Variants in CSNK1A1 observed in about 807,000 individuals in gnomAD.
CSNK1A1 encodes the protein casein kinase 1 alpha 1.
Under a neutral mutation model 46.1 loss-of-function variants are expected in CSNK1A1, and 7 were observed. That is an observed-to-expected ratio of 0.15 (90% CI 0.09 to 0.29). The LOEUF is 0.29. CSNK1A1 is among the 10% of genes least tolerant of loss of function. CSNK1A1 has a pLI of 1.00. For missense variants in CSNK1A1, 96 were observed against 417.1 expected (o/e 0.23, Z 6.71); for synonymous variants, 137 against 141.5 (o/e 0.97, Z 0.23).
intron 9 of CSNK1A1, chr5:149,502,109 T>TA: frequency 1.0e-6 from 1 of 981,164 alleles, no homozygotes; most frequent in Non-Finnish European, 1.2e-6. Flanking sequence ...AAGCCAGACT[T>TA]AAAGAATCTT....
chr5:149,504,647 G>C (rs1760970375), intron 9 of CSNK1A1: 1 of 985,314 alleles, frequency 1.0e-6, no homozygotes, highest in Non-Finnish European at 1.2e-6. Flanking sequence ...AAGGAAATAA[G>C]ACTAGCGGTT....
Position 149,517,036 on chromosome 5 carries a change from T to A in CSNK1A1, c.456+3254A>T, listed in dbSNP as rs966458170. On this transcript the variant is annotated intron_variant, in intron 4 of 9. Coordinates refer to ENST00000377843, the MANE Select transcript of CSNK1A1 (RefSeq NM_001892.6). The surrounding 1 kb of genome is among the most constrained non-coding windows in gnomAD (Gnocchi z 4.4). ...TAAATTTTGTGATAAAAAAGCTATT[T>A]AACTTCAACAAAAGTGTAACAAAAT... Among the ~76,000 whole-genome samples, 2 of 152,228 alleles carry A rather than the reference T, an allele frequency of 1.3e-5. No homozygotes were observed. Among genetic ancestry groups the A allele is most frequent in the Admixed American group, 6.5e-5 (1 of 15,276 alleles).
At chr5:149,529,499 A>G (rs989536130) in intron 2 of CSNK1A1, 6 of 240,938 alleles carry the variant, frequency 2.5e-5, no homozygotes, top group Admixed American at 2.1e-4. Context: ...CAAAAGATCA[A>G]TGAGAACTAA....
At chr5:149,538,419 AGGT>A (rs1480657132) in intron 2 of CSNK1A1, among the ~76,000 whole-genome samples, 1 of 152,206 alleles carries the variant, frequency 6.6e-6, no homozygotes, top group Non-Finnish European at 1.5e-5. Context: ...GTACTGTACA[AGGT>A]GTTGTATGTT....
chr5:149,542,606 A>ATTTTTTTTTTTTTTTTTTTT lies in CSNK1A1; in HGVS notation c.230+7468_230+7469insAAAAAAAAAAAAAAAAAAAA, dbSNP rs1362024391. Among the ~76,000 whole-genome samples the ATTTTTTTTTTTTTTTTTTTT allele has an allele frequency of 2.6e-4, 2 of 7,560 alleles. 1 individual carries two copies. The highest frequency in any genetic ancestry group is 0.018 in the East Asian group (2 of 110). 5.0% of individuals were successfully genotyped at this position (7,560 alleles called of 152,430 possible). ...GAGATACAAATTTATATATATATATATATATATATATATATATATATATAT... is the reference window on the plus strand; with the variant it reads ...GAGATACAAATTTATATATATATATATTTTTTTTTTTTTTTTTTTTTATATATATATATATATATATATAT... On this transcript the variant is annotated intron_variant, in intron 2 of 9. Coordinates refer to ENST00000377843, the MANE Select transcript of CSNK1A1 (RefSeq NM_001892.6).
intron 2 of CSNK1A1, among the ~76,000 whole-genome samples, chr5:149,528,070 C>T (rs539758755): frequency 6.6e-6 from 1 of 152,228 alleles, no homozygotes; most frequent in East Asian, 1.9e-4. Context: ...CAAAGTAAGC[C>T]TCTAACAAAA....
intron 2 of CSNK1A1, among the ~76,000 whole-genome samples, chr5:149,527,057 T>C (rs980103422): frequency 6.6e-6 from 1 of 152,136 alleles, no homozygotes; most frequent in African/African-American, 2.4e-5. Flanking sequence ...AAGGGAAAAG[T>C]TCTGCTTAAC....
In CSNK1A1 at chr5:149,549,402, C is replaced by CT; in HGVS notation, c.230+672dup. 4.3e-6 allele frequency: 3 copies of CT among 694,240 alleles called. No individual in the cohort carries two copies. In the East Asian group the frequency reaches 8.1e-5, roughly 19 times the overall value. The allele number at this position is 694,240 out of a possible 1,614,324, so 43.0% of individuals were successfully genotyped here. A position where few individuals can be genotyped will look rare whatever the true frequency, so the allele number is the denominator to read the frequency against. Reference sequence around the variant, plus strand: ...GTAATTCAACAATTTCGTGTCACATCTGCTGCAGAGATCACAAACACTGTC... The same window carrying CT: ...GTAATTCAACAATTTCGTGTCACATCTTGCTGCAGAGATCACAAACACTGTC... On this transcript the variant is annotated intron_variant, in intron 2 of 9. Transcript: ENST00000377843.
chr5:149,535,236 C>T (rs965234270), intron 2 of CSNK1A1, among the ~76,000 whole-genome samples: 2 of 152,170 alleles, frequency 1.3e-5, no homozygotes, highest in Non-Finnish European at 2.9e-5. Flanking sequence ...GAATTTCCAC[C>T]AAGGGGATGA....
intron 2 of CSNK1A1, chr5:149,545,861 A>G: frequency 3.0e-6 from 1 of 333,240 alleles, no homozygotes; most frequent in South Asian, 3.7e-5. Flanking sequence ...TTCTTAAAAT[A>G]TCAAGAAAAT....
At chr5:149,496,932 G>C (rs942438490) in intron 9 of CSNK1A1, 72 bp from the exon 10 acceptor site, 6 of 1,521,786 alleles carry the variant, frequency 3.9e-6, no homozygotes, top group Non-Finnish European at 5.3e-6. Context: ...CCAAAATATG[G>C]AAATTGGGTG....
intron 3 of CSNK1A1, 92 bp from the exon 4 acceptor site, chr5:149,520,480 G>A (rs1761534167): frequency 1.4e-6 from 1 of 709,320 alleles, no homozygotes; most frequent in South Asian, 1.9e-5. Context: ...ATTATTTAGA[G>A]TTCACAAAGA....
chr5:149,499,031 A>G, intron 9 of CSNK1A1: 1 of 985,456 alleles, frequency 1.0e-6, no homozygotes, highest in South Asian at 4.7e-5. Context: ...CAAATGGGTC[A>G]ATGGTATGAC....
intron 9 of CSNK1A1, among the ~76,000 whole-genome samples, chr5:149,499,599 A>C (rs1284910201): frequency 6.6e-6 from 1 of 152,010 alleles, no homozygotes; most frequent in Non-Finnish European, 1.5e-5. Context: ...TTGTCTATTA[A>C]AAAAATAAAC....
At chr5:149,506,807 G>A (rs1232341664) in intron 8 of CSNK1A1, among the ~76,000 whole-genome samples, 1 of 152,138 alleles carries the variant, frequency 6.6e-6, no homozygotes, top group East Asian at 1.9e-4. Context: ...ATTCTACTTT[G>A]AGTATGATTC....
At chr5:149,530,063 T>C (rs1209044967) in intron 2 of CSNK1A1, among the ~76,000 whole-genome samples, 1 of 152,128 alleles carries the variant, frequency 6.6e-6, no homozygotes, top group African/African-American at 2.4e-5. Context: ...ATATGTTAGT[T>C]CCATCACCAT....
chr5:149,544,949 A>C (rs758485552), intron 2 of CSNK1A1, among the ~76,000 whole-genome samples: 1 of 151,132 alleles, frequency 6.6e-6, no homozygotes, highest in Non-Finnish European at 1.5e-5. Context: ...TAGCCTGGCC[A>C]TCACTGTGAA....
At position 149,550,716 on chromosome 5, in the gene CSNK1A1, G is replaced by A; in HGVS notation, c.123+126C>T. On this transcript the variant is annotated intron_variant, in intron 1 of 9. Transcript: ENST00000377843. This position sits in a 1 kb window ranked among gnomAD's most constrained non-coding sequence, Gnocchi z 4.3. ...CGAGGTTCGTAAGCCAGGAAAACTA[G>A]CTCCCTGGACTCCCTGGCGAGTGCG... is the stretch of plus-strand genomic sequence containing the variant. The A allele has an allele frequency of 7.4e-7, 1 of 1,342,558 alleles. No individual in the cohort carries two copies. 83.2% of individuals were successfully genotyped at this position (1,342,558 alleles called of 1,614,324 possible).
chr5:149,513,811 A>G (rs2113094989), intron 4 of CSNK1A1, among the ~76,000 whole-genome samples: 1 of 152,090 alleles, frequency 6.6e-6, no homozygotes, highest in East Asian at 1.9e-4. Context: ...GAGGCAGGAG[A>G]ATCGCTTGAA....
Sources: gnomAD v4.1 joint callset for allele counts (sites outside exome capture counted in the v4.1 genomes callset) on GRCh38, gnomAD v4.1.1 for gene constraint, Gnocchi (gnomAD v3.1) non-coding constraint, MANE v1.5 for transcripts, NCBI Gene and HGNC (gene_info 2026-07-23, HGNC 2026-07-21) for gene names.